COMMD4: variants seen among roughly 807,000 people sequenced by gnomAD.
COMMD4 encodes the protein COMM domain-containing protein 4.
A neutral mutation model predicts 27.5 loss-of-function variants in COMMD4; 18 were observed. The observed-to-expected ratio is 0.65, with a 90% CI of 0.45 to 0.97. The LOEUF is 0.97. Ranked by LOEUF, COMMD4 falls within the 50% of genes least tolerant of loss-of-function variation. The pLI is 0.00. For missense variants in COMMD4, 243 were observed against 250.0 expected, an observed-to-expected ratio of 0.97 and a Z score of 0.19; for synonymous variants, 108 against 108.4, an observed-to-expected ratio of 1.00 and a Z score of 0.02.
Position 75,339,047 on chromosome 15 carries a change from C to T in COMMD4, c.244C>T (p.His82Tyr). The change falls in exon 5 of 8, where the codon CAC (histidine) becomes TAC (tyrosine). Residue 82 changes from histidine to tyrosine, a missense_variant. Transcript: ENST00000267935. The part of the protein sequence containing the change: ...LSFILSSAAK[H>Y]SVDGESLSSE... ...TTTCATCCTCTCCAGTGCGGCCAAGCACAGTGTCGATGGCGAATCCTTGTC... is the reference window on the plus strand; with the variant it reads ...TTTCATCCTCTCCAGTGCGGCCAAGTACAGTGTCGATGGCGAATCCTTGTC... The T allele has an allele frequency of 5.0e-6, 8 of 1,613,888 alleles. No individual in the cohort carries two copies. Among genetic ancestry groups the T allele is most frequent in the Non-Finnish European group, 6.8e-6 (8 of 1,179,906 alleles).
chr15:75,336,281 G>T, intron 1 of COMMD4, 189 bp downstream of exon 1: 1 of 1,492,320 alleles, frequency 6.7e-7, no homozygotes, highest in South Asian at 1.3e-5. Context: ...GCGGGGGTAC[G>T]GGGCGGGTAA....
At chr15:75,339,642 G>C (rs566484792) in intron 6 of COMMD4, 60 bp from the exon 7 acceptor site, 8 of 1,514,480 alleles carry the variant, frequency 5.3e-6, no homozygotes, top group Non-Finnish European at 7.1e-6. Context: ...CCAGGGTGTC[G>C]GCTGAGGTCT....
At chr15:75,336,308 C>A in intron 1 of COMMD4, 1 of 1,422,436 alleles carries the variant, frequency 7.0e-7, no homozygotes, top group South Asian at 1.5e-5. Context: ...GCAGGCCGGC[C>A]GGCTTAGAGT....
intron 1 of COMMD4, 76 bp downstream of exon 1, chr15:75,336,168 G>C (rs2071171052): frequency 1.3e-6 from 2 of 1,549,350 alleles, no homozygotes; most frequent in African/African-American, 2.7e-5. Flanking sequence ...TCCGGAAACT[G>C]GGGGAGGTTG....
At position 75,338,974 on chromosome 15, in the gene COMMD4, G is replaced by A. The variant is rs369005232; in HGVS notation, c.182-11G>A. 8.1e-6 allele frequency: 13 copies of A among 1,613,812 alleles called. No individual in the cohort carries two copies. The highest frequency in any genetic ancestry group is 3.3e-5 in the South Asian group (3 of 91,064). On this transcript the variant is annotated splice_polypyrimidine_tract_variant and intron_variant, in intron 4 of 7. Coordinates refer to ENST00000267935, the MANE Select transcript of COMMD4 (RefSeq NM_017828.5). ...CAGTGACACCCCCTGCCCCACCCAC[G>A]GGTCCCTCAGAGTCAGGCGATGTGA...
At chr15:75,341,498 TC>T (rs1408600948), downstream of COMMD4, 1 of 152,206 alleles carries the variant, frequency 6.6e-6, no homozygotes, top group Non-Finnish European at 1.5e-5. Flanking sequence ...GTAGGTGTTT[TC>T]CCTATTCCTC....
chr15:75,341,359 C>T (rs982338100), downstream of COMMD4: 4 of 152,198 alleles, frequency 2.6e-5, no homozygotes, highest in African/African-American at 4.8e-5. Context: ...AAGGAGGACT[C>T]GCCTGGAGTA....
At chr15:75,342,772 A>C (rs1446160178), downstream of COMMD4, 1 of 152,132 alleles carries the variant, frequency 6.6e-6, no homozygotes, top group African/African-American at 2.4e-5. Context: ...AAAGAAATAA[A>C]TATTTGAGGT....
At position 75,336,069 on chromosome 15, in the gene COMMD4, G is replaced by C. The variant is rs372819742; in HGVS notation, c.-21G>C. 128 of 1,549,664 alleles carry C rather than the reference G, an allele frequency of 8.3e-5. 2 individuals are homozygous for C. The South Asian group carries it at 1.0e-3, about 12-fold the overall frequency. ...TGCGGGACCGGAAAAAGAAATTCCC[G>C]GGCCCTGGCTTCTTGGCGCGATGGT... On this transcript the variant is annotated 5_prime_UTR_variant, in exon 1 of 8. Coordinates refer to ENST00000267935, the MANE Select transcript of COMMD4 (RefSeq NM_017828.5).
intron 6 of COMMD4, 165 bp downstream of exon 6, chr15:75,339,509 T>C: frequency 8.3e-7 from 1 of 1,199,178 alleles, no homozygotes; most frequent in Admixed American, 2.1e-5. Context: ...CAAGGTTTCT[T>C]GTCACTGAGG....
intron 1 of COMMD4, chr15:75,336,293 A>C: frequency 1.4e-6 from 2 of 1,458,484 alleles, no homozygotes; most frequent in Non-Finnish European, 1.8e-6. Context: ...GGCGGGTAAG[A>C]CAGAGCAGGC....
At chr15:75,336,990 G>A (rs2071221918) in intron 1 of COMMD4, 1 of 152,242 alleles carries the variant, frequency 6.6e-6, no homozygotes, top group African/African-American at 2.4e-5. Context: ...TGGACAAGTA[G>A]AGAACAAATC....
chr15:75,340,980 A>G (rs781528605), downstream of COMMD4: 3 of 152,208 alleles, frequency 2.0e-5, no homozygotes, highest in Non-Finnish European at 4.4e-5. Flanking sequence ...AGAAGTGACC[A>G]TGCCTGAACC....
At chr15:75,336,260 C>A (rs1218310097) in intron 1 of COMMD4, 168 bp downstream of exon 1, 1 of 1,509,866 alleles carries the variant, frequency 6.6e-7, no homozygotes, top group Non-Finnish European at 8.9e-7. Context: ...TCTCCCGCTC[C>A]CGAGACGGGG....
rs1306983959 is a variant in COMMD4 at position 75,339,028 on chromosome 15, CCT to C, written c.229_230del (p.Ser77GlnfsTer15). 1 of 1,613,774 alleles carries C rather than the reference CCT, an allele frequency of 6.2e-7. No homozygotes were observed. The highest frequency in any genetic ancestry group is 8.5e-7 in the Non-Finnish European group (1 of 1,179,894). ...CCACAGTGGCAGTGCTGAGTTTCAT[CCT>C]CTCCAGTGCGGCCAAGCACAGTGTC... The part of the protein sequence containing the change: ...KATVAVLSFI[L>X]SSAAKHSVDG... On this transcript the variant is annotated frameshift_variant, in exon 5 of 8. Transcript: ENST00000267935. LOFTEE classifies it high-confidence loss of function.
Position 75,336,188 on chromosome 15 carries a change from C to T in COMMD4, c.3+96C>T, listed in dbSNP as rs1456621232. 8 of 1,549,094 alleles carry T rather than the reference C, an allele frequency of 5.2e-6. 1 individual carries two copies. Among genetic ancestry groups the T allele is most frequent in the South Asian group, 4.8e-5 (4 of 83,962 alleles). On this transcript the variant is annotated intron_variant, in intron 1 of 7. Coordinates refer to ENST00000267935, the MANE Select transcript of COMMD4 (RefSeq NM_017828.5). ...AAACTGGGGGAGGTTGTACTGGCCT[C>T]TCCGCAAACACAGTGTGTGCGGGCG...
At chr15:75,339,376 A>G in intron 6 of COMMD4, 32 bp downstream of exon 6, 1 of 1,604,954 alleles carries the variant, frequency 6.2e-7, no homozygotes, top group Non-Finnish European at 8.5e-7. Context: ...GTCCGGGCTC[A>G]TTCTAGAAGG....
rs1349466123 is a variant in COMMD4 at position 75,339,684 on chromosome 15, A to C, written c.383-18A>C. On this transcript the variant is annotated intron_variant, in intron 6 of 7. Coordinates refer to ENST00000267935, the MANE Select transcript of COMMD4 (RefSeq NM_017828.5). ...CTTGCCTGCTTTGATCCTGAGAGCC[A>C]CCCACCCCATCTCACAGTGAATAGG... is the stretch of plus-strand genomic sequence containing the variant. 6.4e-7 allele frequency: 1 copy of C among 1,563,662 alleles called. No homozygotes were observed. The highest frequency in any genetic ancestry group is 8.7e-7 in the Non-Finnish European group (1 of 1,153,180).
At chr15:75,340,700 G>C (rs1008001662), downstream of COMMD4, 1 of 151,954 alleles carries the variant, frequency 6.6e-6, no homozygotes, top group Non-Finnish European at 1.5e-5. Context: ...ACAGTGGCGT[G>C]ATCTTGGCTC....
Sources: allele counts gnomAD v4.1 joint callset, GRCh38; gene constraint gnomAD v4.1.1; transcripts MANE v1.5; gene names NCBI Gene and HGNC (gene_info 2026-07-23, HGNC 2026-07-21).